Variants in DPP10 observed in about 807,000 individuals in gnomAD.
DPP10 encodes the protein inactive dipeptidyl peptidase 10.
In DPP10, 33 loss-of-function variants were observed where a neutral mutation model predicts 120.9. The ratio of observed to expected loss-of-function variants is 0.27; its 90% CI spans 0.21 to 0.37. The LOEUF (loss-of-function observed/expected upper bound fraction) is 0.37, where lower values mean the gene tolerates loss of function less well. Among genes scored for constraint, DPP10 ranks in the 10% least tolerant of loss-of-function variants. The pLI, the probability that DPP10 is intolerant of heterozygous loss-of-function variation, is 1.00. For synonymous variants in DPP10, 337 were observed against 326.1 expected (o/e 1.03, Z -0.36); for missense variants, 816 against 942.8 (o/e 0.87, Z 1.76).
intron 1 of DPP10, among the ~76,000 whole-genome samples, chr2:115,011,861 A>G (rs1434750567): frequency 1.3e-5 from 2 of 151,894 alleles, no homozygotes; most frequent in African/African-American, 2.4e-5. Context: ...TGCTTTTTCA[A>G]TGGGGAGGTT....
chr2:115,714,724 T>G (rs2149585933), intron 7 of DPP10, among the ~76,000 whole-genome samples: 1 of 152,320 alleles, frequency 6.6e-6, no homozygotes, highest in South Asian at 2.1e-4. Flanking sequence ...GGAATAGCCC[T>G]TTCTCTGCTT....
At chr2:114,651,076 T>C in intron 1 of DPP10, among the ~76,000 whole-genome samples, 1 of 152,198 alleles carries the variant, frequency 6.6e-6, no homozygotes, top group East Asian at 1.9e-4. Flanking sequence ...TAAGCCAGGC[T>C]AGTCACCTAA....
intron 1 of DPP10, among the ~76,000 whole-genome samples, chr2:114,912,338 C>T (rs904126579): frequency 2.0e-5 from 3 of 152,016 alleles, no homozygotes; most frequent in Non-Finnish European, 2.9e-5. Flanking sequence ...CAGATCCTGC[C>T]TTGTACGATG....
intron 1 of DPP10, among the ~76,000 whole-genome samples, chr2:115,265,478 A>G (rs2059420700): frequency 6.6e-6 from 1 of 152,114 alleles, no homozygotes; most frequent in Non-Finnish European, 1.5e-5. Context: ...TATAAGAAAT[A>G]GATTTTAATT....
chr2:115,609,486 G>T (rs142956254), intron 5 of DPP10, among the ~76,000 whole-genome samples: 1 of 152,040 alleles, frequency 6.6e-6, no homozygotes, highest in South Asian at 2.1e-4. Context: ...CAGTCCCAGA[G>T]AGTAACTAAC....
At chr2:114,467,188 G>A (rs904505051) in intron 1 of DPP10, among the ~76,000 whole-genome samples, 1 of 152,134 alleles carries the variant, frequency 6.6e-6, no homozygotes, top group Non-Finnish European at 1.5e-5. Flanking sequence ...AATAGTAAGT[G>A]GTAAGGAACC....
chr2:114,735,230 A>G (rs1279602300), intron 1 of DPP10, among the ~76,000 whole-genome samples: 1 of 152,196 alleles, frequency 6.6e-6, no homozygotes, highest in Non-Finnish European at 1.5e-5. Context: ...AGCAATAGCA[A>G]CAGTGAGAAA....
At chr2:114,479,072 A>T (rs1680777083) in intron 1 of DPP10, among the ~76,000 whole-genome samples, 1 of 141,194 alleles carries the variant, frequency 7.1e-6, no homozygotes, top group Non-Finnish European at 1.5e-5. Flanking sequence ...TAAATTAAGC[A>T]TGTACAGAAT....
At chr2:115,439,989 T>G (rs772397239) in intron 3 of DPP10, among the ~76,000 whole-genome samples, 3 of 152,196 alleles carry the variant, frequency 2.0e-5, no homozygotes, top group Non-Finnish European at 4.4e-5. Flanking sequence ...CAGTTGTAAT[T>G]GCAAACTTGC....
intron 3 of DPP10, among the ~76,000 whole-genome samples, chr2:115,486,837 C>G (rs973272139): frequency 1.2e-4 from 18 of 152,056 alleles, no homozygotes; most frequent in Non-Finnish European, 8.8e-5. Context: ...AGCTACAAAT[C>G]AGAAAAACAT....
chr2:115,708,424 T>TA (rs2092207112), intron 7 of DPP10, among the ~76,000 whole-genome samples: 1 of 152,022 alleles, frequency 6.6e-6, no homozygotes, highest in Non-Finnish European at 1.5e-5. Flanking sequence ...GGAAGTAGAA[T>TA]GCAAAGATCA....
chr2:115,680,675 A>G (rs1319162918), intron 5 of DPP10, among the ~76,000 whole-genome samples: 1 of 151,982 alleles, frequency 6.6e-6, no homozygotes, highest in Non-Finnish European at 1.5e-5. Flanking sequence ...TTGGCATGCT[A>G]CTTAAGTATG....
At chr2:114,845,297 A>T (rs1688457054) in intron 1 of DPP10, among the ~76,000 whole-genome samples, 5 of 152,190 alleles carry the variant, frequency 3.3e-5, no homozygotes, top group Admixed American at 1.3e-4. Context: ...TATGATTAAC[A>T]AACATTGCAT....
At chr2:115,589,692 A>T (rs2082507718) in intron 5 of DPP10, among the ~76,000 whole-genome samples, 1 of 152,356 alleles carries the variant, frequency 6.6e-6, no homozygotes, top group Admixed American at 6.5e-5. Flanking sequence ...AAACATAATT[A>T]TAAAGGTAAT....
intron 5 of DPP10, among the ~76,000 whole-genome samples, chr2:115,555,830 CGT>C (rs1558842925): frequency 1.3e-4 from 20 of 152,002 alleles, no homozygotes; most frequent in African/African-American, 2.7e-4. Flanking sequence ...AATAATAAAT[CGT>C]ATAACCTATT....
intron 1 of DPP10, among the ~76,000 whole-genome samples, chr2:114,765,631 A>G (rs1311494042): frequency 6.6e-6 from 1 of 152,212 alleles, no homozygotes; most frequent in Non-Finnish European, 1.5e-5. Flanking sequence ...ATTTCAAAAG[A>G]GAAAAGAAAT....
chr2:115,124,194 C>T (rs1447828430), intron 1 of DPP10, among the ~76,000 whole-genome samples: 1 of 152,152 alleles, frequency 6.6e-6, no homozygotes, highest in African/African-American at 2.4e-5. Flanking sequence ...CCTCCTGCCT[C>T]CATCTCCCAA....
chr2:115,502,232 T>G (rs1006416782), intron 4 of DPP10, among the ~76,000 whole-genome samples: 5 of 152,138 alleles, frequency 3.3e-5, no homozygotes, highest in African/African-American at 1.2e-4. Flanking sequence ...TAGCAGACTC[T>G]ATGATTAAAA....
chr2:114,682,404 A>G (rs940775896), intron 1 of DPP10, among the ~76,000 whole-genome samples: 3 of 151,882 alleles, frequency 2.0e-5, no homozygotes, highest in Admixed American at 6.6e-5. Flanking sequence ...ATGATATTCT[A>G]GTTTACCTTC....
Sources: allele counts gnomAD v4.1 joint callset (sites outside exome capture counted in the v4.1 genomes callset), GRCh38; gene constraint gnomAD v4.1.1; transcripts MANE v1.5; gene names NCBI Gene and HGNC (gene_info 2026-07-23, HGNC 2026-07-21).